Variants in YWHAZ observed in about 807,000 individuals in gnomAD.
YWHAZ encodes tyrosine 3-monooxygenase/tryptophan 5-monooxygenase activation protein zeta.
For synonymous variants in YWHAZ, 87 were observed against 103.6 expected (o/e 0.84, Z 0.97); for missense variants, 79 against 284.8 (o/e 0.28, Z 5.20).
In YWHAZ at chr8:100,924,381, T is replaced by C; in HGVS notation, c.419-83A>G. On this transcript the variant is annotated intron_variant, in intron 3 of 5. Transcript: ENST00000395958. The surrounding 1 kb of genome is among the most constrained non-coding windows in gnomAD (Gnocchi z 5.7). ...CAAACCAAACCTTTAATATCTCACATATCCTTTGAAATACTAACCTGTAAC... is the reference window on the plus strand; with the variant it reads ...CAAACCAAACCTTTAATATCTCACACATCCTTTGAAATACTAACCTGTAAC... 1 of 1,394,032 alleles carries C rather than the reference T, an allele frequency of 7.2e-7. No homozygotes were observed. Among genetic ancestry groups the C allele is most frequent in the Non-Finnish European group, 9.7e-7 (1 of 1,034,064 alleles). 86.4% of individuals were successfully genotyped at this position (1,394,032 alleles called of 1,614,324 possible).
Position 100,930,939 on chromosome 8 carries a change from T to G in YWHAZ, c.295-5900A>C, listed in dbSNP as rs534456140. On this transcript the variant is annotated intron_variant, in intron 2 of 5. Transcript: ENST00000395958. The stretch of plus-strand genomic sequence containing the variant: ...AGCAAAATGCCACAAGAAGCCGGTA[T>G]CTAATACTCTTTGGTAAACAGCTCC... Among the ~76,000 whole-genome samples, 5 of 152,318 alleles carry G rather than the reference T, an allele frequency of 3.3e-5. No individual in the cohort carries two copies. In the East Asian group the frequency reaches 7.7e-4, roughly 23 times the overall value.
intron 2 of YWHAZ, among the ~76,000 whole-genome samples, chr8:100,939,634 G>C (rs1814474415): frequency 6.6e-6 from 1 of 151,782 alleles, no homozygotes; most frequent in Non-Finnish European, 1.5e-5. Context: ...ACTCCAGCCT[G>C]GGCAACAAGA....
rs921344689 is a variant in YWHAZ at position 100,950,460 on chromosome 8, A to G, written c.-12+1469T>C. 12 of 985,368 alleles carry G rather than the reference A, an allele frequency of 1.2e-5. No homozygotes were observed. The African/African-American group carries it at 1.9e-4, about 16-fold the overall frequency. 61.0% of individuals were successfully genotyped at this position (985,368 alleles called of 1,614,324 possible). ...GAAAACGGGCAGACCCGGACTTTAA[A>G]GTGCAAATTCTCCGGTCCGCGTATC... On this transcript the variant is annotated intron_variant, in intron 1 of 5. Coordinates refer to ENST00000395958, the MANE Select transcript of YWHAZ (RefSeq NM_145690.3).
At chr8:100,926,662 A>T (rs1457320091) in intron 2 of YWHAZ, among the ~76,000 whole-genome samples, 1 of 152,208 alleles carries the variant, frequency 6.6e-6, no homozygotes, top group Non-Finnish European at 1.5e-5. Context: ...GGAAATCAGA[A>T]GAACGTTTTG....
intron 2 of YWHAZ, among the ~76,000 whole-genome samples, chr8:100,941,296 A>C (rs539585266): frequency 3.9e-5 from 6 of 152,352 alleles, no homozygotes; most frequent in Admixed American, 3.9e-4. Context: ...TATTACGTTT[A>C]AGGAGCAAAA....
At chr8:100,940,933 T>G (rs1809803504) in intron 2 of YWHAZ, among the ~76,000 whole-genome samples, 1 of 152,234 alleles carries the variant, frequency 6.6e-6, no homozygotes. Context: ...GGGATATGCT[T>G]AAAGTTTTAT....
At chr8:100,940,328 T>C (rs1218352678) in intron 2 of YWHAZ, among the ~76,000 whole-genome samples, 5 of 152,168 alleles carry the variant, frequency 3.3e-5, no homozygotes, top group Admixed American at 1.3e-4. Flanking sequence ...TTTTAGCTTG[T>C]AAGTGGCACG....
Position 100,922,172 on chromosome 8 carries a change from T to C in YWHAZ, c.679-1420A>G, listed in dbSNP as rs979274006. 6.6e-6 allele frequency among the ~76,000 whole-genome samples: 1 copy of C among 152,226 alleles called. No individual in the cohort carries two copies. The highest frequency in any genetic ancestry group is 2.4e-5 in the African/African-American group (1 of 41,462). ...GATTCTTGAATTTTCTGTATAAACATGCAAATTTGATACAAAATATTTCTT... is the reference window on the plus strand; with the variant it reads ...GATTCTTGAATTTTCTGTATAAACACGCAAATTTGATACAAAATATTTCTT... On this transcript the variant is annotated intron_variant, in intron 5 of 5. Transcript: ENST00000395958. This position sits in a 1 kb window ranked among gnomAD's most constrained non-coding sequence, Gnocchi z 4.1.
chr8:100,952,630 C>T (rs916396195), upstream of YWHAZ: 16 of 310,346 alleles, frequency 5.2e-5, no homozygotes, highest in African/African-American at 6.8e-5. Context: ...GCCCCAGGGC[C>T]GTCCCCGGGC....
chr8:100,949,720 A>T (rs147597031), intron 1 of YWHAZ, among the ~76,000 whole-genome samples: 1 of 152,360 alleles, frequency 6.6e-6, no homozygotes, highest in African/African-American at 2.4e-5. Context: ...TGAAATGCAG[A>T]AGTGCTGCAT....
chr8:100,950,387 G>A, intron 1 of YWHAZ: 9 of 985,496 alleles, frequency 9.1e-6, no homozygotes, highest in Non-Finnish European at 9.6e-6. Context: ...AGGACTCACC[G>A]CACCCATTTA....
In YWHAZ at chr8:100,948,222, TA is replaced by T; in HGVS notation, c.294+373del. On this transcript the variant is annotated intron_variant, in intron 2 of 5. Coordinates refer to ENST00000395958, the MANE Select transcript of YWHAZ (RefSeq NM_145690.3). The surrounding 1 kb of genome is among the most constrained non-coding windows in gnomAD (Gnocchi z 4.2). ...AGTATCCTATTACATCTCTCTTACC[TA>T]AAGTATGTAAAATTCCTTTATCCAC... 3.2e-6 allele frequency: 4 copies of T among 1,250,116 alleles called. No individual in the cohort carries two copies. In the South Asian group the frequency reaches 5.9e-5, roughly 19 times the overall value. The allele number at this position is 1,250,116 out of a possible 1,614,324, so 77.4% of individuals were successfully genotyped here.
In YWHAZ at chr8:100,951,997, C is replaced by G. The variant is rs938267919; in HGVS notation, c.-80G>C. On this transcript the variant is annotated 5_prime_UTR_variant, in exon 1 of 6. Transcript: ENST00000395958. ...AGTCTCTGGGCGGCGGCGGCGGCAG[C>G]AGCGGCGAGGCTGAGACTCTGTCCC... The G allele has an allele frequency of 1.1e-5, 11 of 1,003,896 alleles. No homozygotes were observed. Among genetic ancestry groups the G allele is most frequent in the Non-Finnish European group, 1.2e-5 (10 of 842,644 alleles). 62.2% of individuals were successfully genotyped at this position (1,003,896 alleles called of 1,614,324 possible). A position where few individuals can be genotyped will look rare whatever the true frequency, so the allele number is the denominator to read the frequency against.
chr8:100,937,290 T>A (rs1047027729), intron 2 of YWHAZ, among the ~76,000 whole-genome samples: 9 of 152,160 alleles, frequency 5.9e-5, no homozygotes, highest in Admixed American at 2.0e-4. Flanking sequence ...ATATGCTTTT[T>A]TTTTTTCAAA....
intron 1 of YWHAZ, chr8:100,951,431 G>C (rs536591581): frequency 2.0e-6 from 2 of 981,574 alleles, no homozygotes; most frequent in African/African-American, 3.5e-5. Flanking sequence ...GGGCGGCCGA[G>C]GGAGAGGGGA....
chr8:100,925,495 G>C (rs1813297538), intron 2 of YWHAZ, among the ~76,000 whole-genome samples: 2 of 152,148 alleles, frequency 1.3e-5, no homozygotes, highest in Admixed American at 1.3e-4. Flanking sequence ...GACACTTAAG[G>C]AGTCCATGCC....
At chr8:100,939,133 TAA>T (rs1331654702) in intron 2 of YWHAZ, among the ~76,000 whole-genome samples, 1 of 152,186 alleles carries the variant, frequency 6.6e-6, no homozygotes, top group Non-Finnish European at 1.5e-5. Flanking sequence ...TAATTCCTGT[TAA>T]AAGAGTAGCT....
intron 2 of YWHAZ, chr8:100,932,003 A>G (rs1199256784): frequency 6.6e-6 from 1 of 152,240 alleles, no homozygotes; most frequent in Non-Finnish European, 1.5e-5. Flanking sequence ...TGTTAGGAAC[A>G]CAAACTATGG....
At chr8:100,936,918 C>G (rs1814187174) in intron 2 of YWHAZ, among the ~76,000 whole-genome samples, 1 of 152,102 alleles carries the variant, frequency 6.6e-6, no homozygotes, top group Admixed American at 6.5e-5. Context: ...GAGGCAAAGA[C>G]TAAAACAAGA....
Sources: allele counts gnomAD v4.1 joint callset (sites outside exome capture counted in the v4.1 genomes callset), GRCh38; gene constraint gnomAD v4.1.1; non-coding constraint Gnocchi (gnomAD v3.1); transcripts MANE v1.5; gene names NCBI Gene and HGNC (gene_info 2026-07-23, HGNC 2026-07-21).